The following FHIT variants were observed in gnomAD, a reference collection of about 807,000 sequenced individuals.
FHIT encodes the protein fragile histidine triad diadenosine triphosphatase.
In FHIT, 19 loss-of-function variants were observed where a neutral mutation model predicts 17.9. That is an observed-to-expected ratio of 1.06 (90% CI 0.74 to 1.56). FHIT has a LOEUF of 1.56. Ranked by LOEUF, FHIT falls within the 40% of genes most tolerant of loss-of-function variation. FHIT has a pLI of 0.00. For missense variants in FHIT, 248 were observed against 189.2 expected, an observed-to-expected ratio of 1.31 and a Z score of -1.82; for synonymous variants, 81 against 69.7, an observed-to-expected ratio of 1.16 and a Z score of -0.81.
chr3:60,278,105 T>C (rs1707247278), intron 5 of FHIT, among the ~76,000 whole-genome samples: 1 of 152,168 alleles, frequency 6.6e-6, no homozygotes, highest in African/African-American at 2.4e-5. Context: ...ATGATAATTT[T>C]GACAAATTGC....
At chr3:60,295,956 G>A (rs548037245) in intron 5 of FHIT, among the ~76,000 whole-genome samples, 24 of 152,112 alleles carry the variant, frequency 1.6e-4, no homozygotes, top group African/African-American at 3.9e-4. Flanking sequence ...ATTAAATCAC[G>A]GGGGTAGTTT....
At chr3:59,818,943 T>C (rs1461668492) in intron 8 of FHIT, among the ~76,000 whole-genome samples, 2 of 152,194 alleles carry the variant, frequency 1.3e-5, no homozygotes, top group Non-Finnish European at 2.9e-5. Flanking sequence ...TTTTTTGCAA[T>C]GACTACTCTG....
intron 7 of FHIT, among the ~76,000 whole-genome samples, chr3:59,994,932 T>C (rs1377218176): frequency 1.3e-5 from 2 of 152,036 alleles, no homozygotes; most frequent in African/African-American, 4.8e-5. Flanking sequence ...GATGGCAGAG[T>C]GTTTGCCTAA....
chr3:60,248,098 G>C (rs1705497457), intron 5 of FHIT, among the ~76,000 whole-genome samples: 2 of 152,102 alleles, frequency 1.3e-5, no homozygotes, highest in South Asian at 4.1e-4. Flanking sequence ...ATTCTTCAGT[G>C]CATTGCTCTT....
At chr3:59,811,365 C>T (rs539165603) in intron 8 of FHIT, among the ~76,000 whole-genome samples, 3 of 152,154 alleles carry the variant, frequency 2.0e-5, no homozygotes, top group African/African-American at 4.8e-5. Context: ...CAAATAGCTT[C>T]GTGTTTCTTT....
At chr3:60,396,830 A>T (rs1009678152) in intron 5 of FHIT, among the ~76,000 whole-genome samples, 1 of 152,198 alleles carries the variant, frequency 6.6e-6, no homozygotes, top group Non-Finnish European at 1.5e-5. Flanking sequence ...AAATGAAAAA[A>T]TAGAAAGTTT....
intron 8 of FHIT, among the ~76,000 whole-genome samples, chr3:59,854,748 C>T (rs531286204): frequency 1.3e-5 from 2 of 152,246 alleles, no homozygotes; most frequent in African/African-American, 4.8e-5. Context: ...AACTCTAGAG[C>T]CCATATTATT....
At chr3:60,357,251 A>T (rs1044871078) in intron 5 of FHIT, among the ~76,000 whole-genome samples, 1 of 152,114 alleles carries the variant, frequency 6.6e-6, no homozygotes, top group Non-Finnish European at 1.5e-5. Context: ...TGTGTCGCGC[A>T]GGCTGGTATG....
intron 4 of FHIT, among the ~76,000 whole-genome samples, chr3:60,746,512 A>G (rs1439711117): frequency 1.3e-5 from 2 of 152,188 alleles, no homozygotes; most frequent in Non-Finnish European, 2.9e-5. Context: ...GACGATCATT[A>G]TTAACCTACA....
chr3:60,636,862 A>C (rs2039600492), intron 4 of FHIT, among the ~76,000 whole-genome samples: 1 of 152,100 alleles, frequency 6.6e-6, no homozygotes, highest in Admixed American at 6.6e-5. Context: ...CCTCATTTTC[A>C]CTCTAAAGTA....
rs371335722 is a variant in FHIT, at chr3:60,304,823, C to T, written c.103+232037G>A. 3.3e-5 allele frequency among the ~76,000 whole-genome samples: 5 copies of T among 152,172 alleles called. No individual in the cohort carries two copies. The South Asian group carries it at 8.3e-4, about 25-fold the overall frequency. On this transcript the variant is annotated intron_variant, in intron 5 of 9. Transcript: ENST00000492590. ...CTCAGTATCTAACTTTATTAAGCAA[C>T]CAAGCTAAGCTGATTGTACATCTCT... is the stretch of plus-strand genomic sequence containing the variant.
chr3:60,756,662 C>T (rs989082332), intron 4 of FHIT, among the ~76,000 whole-genome samples: 3 of 152,218 alleles, frequency 2.0e-5, no homozygotes, highest in Non-Finnish European at 4.4e-5. Context: ...GTGAAAGACA[C>T]AGAGGAAAGA....
rs1232476385 is a variant in FHIT at position 61,060,586 on chromosome 3, C to T, written c.-163-18487G>A. On this transcript the variant is annotated intron_variant, in intron 2 of 9. Coordinates refer to ENST00000492590, the MANE Select transcript of FHIT (RefSeq NM_002012.4). Reference sequence around the variant, plus strand: ...TCTGTGTGTACTCCTCATTAAGTACCACATTATGGGCCATCATATCTTCTC... The same window carrying T: ...TCTGTGTGTACTCCTCATTAAGTACTACATTATGGGCCATCATATCTTCTC... 2.6e-5 allele frequency among the ~76,000 whole-genome samples: 4 copies of T among 152,224 alleles called. No individual in the cohort carries two copies. In the East Asian group the frequency reaches 7.7e-4, roughly 29 times the overall value.
At chr3:61,043,670 G>A (rs955741741) in intron 2 of FHIT, among the ~76,000 whole-genome samples, 1 of 152,226 alleles carries the variant, frequency 6.6e-6, no homozygotes, top group Non-Finnish European at 1.5e-5. Context: ...AGAATGGACA[G>A]ACTGCCTCTT....
chr3:61,205,605 C>T (rs956893481), intron 1 of FHIT, among the ~76,000 whole-genome samples: 1 of 152,142 alleles, frequency 6.6e-6, no homozygotes, highest in African/African-American at 2.4e-5. Context: ...TGTCTTTTGG[C>T]TGCGTAAATG....
chr3:60,287,088 T>A (rs1196313839), intron 5 of FHIT, among the ~76,000 whole-genome samples: 2 of 152,228 alleles, frequency 1.3e-5, no homozygotes, highest in African/African-American at 4.8e-5. Context: ...TCCTTAAATG[T>A]TGAACTCAGT....
chr3:61,099,325 C>A (rs893639796), intron 2 of FHIT, among the ~76,000 whole-genome samples: 5 of 152,046 alleles, frequency 3.3e-5, no homozygotes, highest in East Asian at 1.9e-4. Context: ...GGTTTGCTAG[C>A]ATTAGGTCAA....
chr3:60,727,804 C>A (rs1312209063), intron 4 of FHIT, among the ~76,000 whole-genome samples: 1 of 152,126 alleles, frequency 6.6e-6, no homozygotes, highest in Non-Finnish European at 1.5e-5. Flanking sequence ...GAGATAGAGA[C>A]CATCCTGGCT....
intron 8 of FHIT, among the ~76,000 whole-genome samples, chr3:59,909,439 C>G (rs1704758424): frequency 6.6e-6 from 1 of 152,140 alleles, no homozygotes; most frequent in Non-Finnish European, 1.5e-5. Flanking sequence ...AAGTGATTCT[C>G]CTGCCTCAGC....
Sources: allele counts gnomAD v4.1 joint callset (sites outside exome capture counted in the v4.1 genomes callset), GRCh38; gene constraint gnomAD v4.1.1; transcripts MANE v1.5; gene names NCBI Gene and HGNC (gene_info 2026-07-23, HGNC 2026-07-21).